Variants in NKAIN3 observed in about 807,000 individuals in gnomAD.
The protein encoded by NKAIN3 is sodium/potassium transporting ATPase interacting 3.
Under a neutral mutation model 30.2 loss-of-function variants are expected in NKAIN3, and 25 were observed. The ratio of observed to expected loss-of-function variants is 0.83; its 90% CI spans 0.60 to 1.16. The LOEUF is 1.16. NKAIN3 is among the 50% of genes most tolerant of loss of function. The pLI is 0.00. For synonymous variants in NKAIN3, 91 were observed against 89.6 expected (o/e 1.02, Z -0.09); for missense variants, 225 against 254.1 (o/e 0.89, Z 0.78).
At position 62,878,043 on chromosome 8, in the gene NKAIN3, A is replaced by AG. The variant is rs1168341251; in HGVS notation, c.472-40410_472-40409insG. ...CAACAAGAATGAAACTCCATCTCAAAAAAAAAAAAAAAAAGACACAAAGAG... is the reference window on the plus strand; with the variant it reads ...CAACAAGAATGAAACTCCATCTCAAAGAAAAAAAAAAAAAAGACACAAAGAG... On this transcript the variant is annotated intron_variant, in intron 4 of 6. Coordinates refer to ENST00000623646, the MANE Select transcript of NKAIN3 (RefSeq NM_001304533.3). Among the ~76,000 whole-genome samples the AG allele has an allele frequency of 6.1e-3, 926 of 150,926 alleles. 1 individual carries two copies. Among genetic ancestry groups the AG allele is most frequent in the Non-Finnish European group, 0.01 (690 of 67,594 alleles).
intron 4 of NKAIN3, among the ~76,000 whole-genome samples, chr8:62,852,423 T>A (rs1183082211): frequency 3.3e-5 from 5 of 152,206 alleles, no homozygotes; most frequent in African/African-American, 4.8e-5. Flanking sequence ...TTCATTGATT[T>A]TTTGAAGGGT....
intron 3 of NKAIN3, among the ~76,000 whole-genome samples, chr8:62,616,499 G>A (rs978233620): frequency 2.6e-5 from 4 of 152,282 alleles, no homozygotes; most frequent in African/African-American, 9.6e-5. Flanking sequence ...TGAGGGCGAG[G>A]TTTCCATGCC....
At chr8:62,253,845 G>A (rs895520165) in intron 1 of NKAIN3, among the ~76,000 whole-genome samples, 8 of 152,164 alleles carry the variant, frequency 5.3e-5, no homozygotes, top group Admixed American at 3.3e-4. Flanking sequence ...GACAGCGAAT[G>A]CTGAAATATA....
chr8:62,543,475 C>T (rs1324979659), intron 1 of NKAIN3, among the ~76,000 whole-genome samples: 1 of 152,148 alleles, frequency 6.6e-6, no homozygotes, highest in Non-Finnish European at 1.5e-5. Context: ...TGCTCAATAG[C>T]TTCAATGTGA....
intron 4 of NKAIN3, among the ~76,000 whole-genome samples, chr8:62,810,697 T>C (rs1221230480): frequency 6.6e-6 from 1 of 150,834 alleles, no homozygotes; most frequent in Non-Finnish European, 1.5e-5. Context: ...TAAACTGATA[T>C]TGATTTAAAT....
intron 1 of NKAIN3, among the ~76,000 whole-genome samples, chr8:62,478,922 G>T (rs917352522): frequency 1.3e-5 from 2 of 152,130 alleles, no homozygotes; most frequent in Non-Finnish European, 2.9e-5. Context: ...GGAGGTTCTC[G>T]CAAGGAGGTT....
intron 3 of NKAIN3, among the ~76,000 whole-genome samples, chr8:62,729,039 A>AAAAACAAAC (rs200466973): frequency 3.3e-4 from 32 of 96,946 alleles, no homozygotes; most frequent in African/African-American, 1.1e-3. Flanking sequence ...AAAAAAAAAA[A>AAAAACAAAC]CAAAAAAAAA....
At chr8:62,387,731 T>C (rs993730128) in intron 1 of NKAIN3, among the ~76,000 whole-genome samples, 8 of 152,202 alleles carry the variant, frequency 5.3e-5, no homozygotes, top group Admixed American at 6.5e-5. Context: ...ACCACGTTCC[T>C]TATCTTTAAA....
chr8:62,651,870 C>T (rs1274719656), intron 3 of NKAIN3, among the ~76,000 whole-genome samples: 3 of 152,116 alleles, frequency 2.0e-5, no homozygotes, highest in Admixed American at 2.0e-4. Flanking sequence ...TGTGACATGC[C>T]TGTTCTCACT....
intron 3 of NKAIN3, among the ~76,000 whole-genome samples, chr8:62,733,304 A>G (rs555787160): frequency 6.6e-6 from 1 of 152,262 alleles, no homozygotes; most frequent in African/African-American, 2.4e-5. Context: ...GAATTTGCCT[A>G]TCTTCTAGGA....
intron 1 of NKAIN3, among the ~76,000 whole-genome samples, chr8:62,361,051 A>T (rs1430814426): frequency 6.6e-6 from 1 of 151,382 alleles, no homozygotes; most frequent in Non-Finnish European, 1.5e-5. Context: ...GACAAGAGCC[A>T]TCTCTACAGC....
chr8:62,789,447 G>GT (rs1179476951), intron 4 of NKAIN3, among the ~76,000 whole-genome samples: 1 of 151,904 alleles, frequency 6.6e-6, no homozygotes, highest in Non-Finnish European at 1.5e-5. Flanking sequence ...AGACAATGGG[G>GT]TTTTCTAGAT....
chr8:62,766,154 T>A (rs1224940703), intron 4 of NKAIN3, among the ~76,000 whole-genome samples: 2 of 152,168 alleles, frequency 1.3e-5, no homozygotes, highest in Non-Finnish European at 2.9e-5. Flanking sequence ...GATTATTGGT[T>A]ATTAGAATAA....
chr8:62,836,173 CG>C (rs1819356586), intron 4 of NKAIN3, among the ~76,000 whole-genome samples: 1 of 151,894 alleles, frequency 6.6e-6, no homozygotes, highest in African/African-American at 2.4e-5. Context: ...TAAACACTAA[CG>C]GAATACCAGA....
intron 1 of NKAIN3, among the ~76,000 whole-genome samples, chr8:62,283,933 AATC>A (rs1394372933): frequency 1.3e-5 from 2 of 152,198 alleles, no homozygotes; most frequent in Admixed American, 6.6e-5. Context: ...TTTAAAGAGA[AATC>A]ATACAACAGG....
intron 5 of NKAIN3, among the ~76,000 whole-genome samples, chr8:62,928,447 G>A (rs1368662929): frequency 6.6e-6 from 1 of 152,088 alleles, no homozygotes; most frequent in Non-Finnish European, 1.5e-5. Context: ...AACTCCTACT[G>A]TTTCCCAACC....
At chr8:62,877,244 T>C (rs534008340) in intron 4 of NKAIN3, among the ~76,000 whole-genome samples, 2 of 152,190 alleles carry the variant, frequency 1.3e-5, no homozygotes, top group Non-Finnish European at 2.9e-5. Flanking sequence ...GTGAAAAAAA[T>C]ACAAAATACC....
intron 4 of NKAIN3, chr8:62,863,393 A>C (rs1820316022): frequency 6.5e-7 from 1 of 1,546,680 alleles, no homozygotes; most frequent in Admixed American, 1.9e-5. Context: ...ATACACATCA[A>C]GATGTTTTGC....
chr8:62,968,023 T>A lies in NKAIN3; in HGVS notation c.*2616T>A, dbSNP rs1454299536. Among the ~76,000 whole-genome samples, 3 of 152,228 alleles carry A rather than the reference T, an allele frequency of 2.0e-5. No homozygotes were observed. Among genetic ancestry groups the A allele is most frequent in the African/African-American group, 7.2e-5 (3 of 41,462 alleles). The stretch of plus-strand genomic sequence containing the variant: ...AATATGGTGTATATGTTTTCATTTT[T>A]AATCTTTCTTCACTTAAATATGAAG... On this transcript the variant is annotated 3_prime_UTR_variant, in exon 7 of 7. Coordinates refer to ENST00000623646, the MANE Select transcript of NKAIN3 (RefSeq NM_001304533.3).
Sources: allele counts gnomAD v4.1 joint callset (sites outside exome capture counted in the v4.1 genomes callset), GRCh38; gene constraint gnomAD v4.1.1; transcripts MANE v1.5; gene names NCBI Gene and HGNC (gene_info 2026-07-23, HGNC 2026-07-21).